Variants in STPG4 observed in about 807,000 individuals in gnomAD.
STPG4 encodes protein STPG4.
Under a neutral mutation model 31.5 loss-of-function variants are expected in STPG4, and 41 were observed. The ratio of observed to expected loss-of-function variants is 1.30; its 90% confidence interval spans 1.01 to 1.69. The LOEUF (loss-of-function observed/expected upper bound fraction) is 1.69. Ranked by LOEUF, STPG4 falls within the 40% of genes most tolerant of loss-of-function variation. The probability of loss-of-function intolerance (pLI) is 0.00; values close to 1 mark genes in which losing one functional copy is unlikely to be tolerated. For missense variants in STPG4, 375 were observed against 293.4 expected, an observed-to-expected ratio of 1.28 and a Z score of -2.03; for synonymous variants, 141 against 103.0, an observed-to-expected ratio of 1.37 and a Z score of -2.24.
At chr2:47,111,875 T>G (rs1686043936) in intron 5 of STPG4, among the ~76,000 whole-genome samples, 2 of 152,174 alleles carry the variant, frequency 1.3e-5, no homozygotes, top group Admixed American at 1.3e-4. Flanking sequence ...AGATTAAAAA[T>G]CATTTTCCAA....
intron 6 of STPG4, among the ~76,000 whole-genome samples, chr2:47,087,972 C>T (rs1028224986): frequency 2.0e-5 from 3 of 152,062 alleles, no homozygotes; most frequent in Non-Finnish European, 2.9e-5. Context: ...CCAGGTTGGT[C>T]TTGATCTCCT....
At chr2:47,138,020 A>G (rs1479592352) in intron 3 of STPG4, among the ~76,000 whole-genome samples, 3 of 151,906 alleles carry the variant, frequency 2.0e-5, no homozygotes, top group Non-Finnish European at 2.9e-5. Context: ...CTTACTTTGG[A>G]TTTAATTTAC....
At chr2:47,088,554 G>A (rs1292413280) in intron 6 of STPG4, among the ~76,000 whole-genome samples, 1 of 152,224 alleles carries the variant, frequency 6.6e-6, no homozygotes, top group Non-Finnish European at 1.5e-5. Flanking sequence ...AGGGGGCTAT[G>A]AGGCTCACTG....
chr2:47,088,548 G>A (rs1685505992), intron 6 of STPG4, among the ~76,000 whole-genome samples: 1 of 152,200 alleles, frequency 6.6e-6, no homozygotes, highest in Admixed American at 6.5e-5. Flanking sequence ...GCCTCTAGGG[G>A]GCTATGAGGC....
chr2:47,119,798 G>C (rs7583888), intron 5 of STPG4, among the ~76,000 whole-genome samples: 20,199 of 152,242 alleles, frequency 0.13, 1,508 homozygotes, highest in African/African-American at 0.17. Flanking sequence ...AGGAGGGCCA[G>C]ACAGCTAATG....
intron 3 of STPG4, among the ~76,000 whole-genome samples, chr2:47,141,096 A>G (rs976272175): frequency 6.9e-4 from 105 of 152,180 alleles, no homozygotes; most frequent in African/African-American, 2.5e-3. Flanking sequence ...CATATTGGCT[A>G]GGCTGGTCTC....
At chr2:47,111,082 G>A (rs370486628) in intron 5 of STPG4, among the ~76,000 whole-genome samples, 1 of 152,132 alleles carries the variant, frequency 6.6e-6, no homozygotes, top group Non-Finnish European at 1.5e-5. Context: ...GAATTTATGG[G>A]TGAAAAGGCA....
chr2:47,122,625 TA>T (rs1268307015), intron 5 of STPG4, among the ~76,000 whole-genome samples: 3 of 152,226 alleles, frequency 2.0e-5, no homozygotes, highest in Non-Finnish European at 4.4e-5. Flanking sequence ...CTTGTATTAA[TA>T]AAAAAATCTT....
At chr2:47,120,309 C>G (rs774973758) in intron 5 of STPG4, among the ~76,000 whole-genome samples, 1 of 152,010 alleles carries the variant, frequency 6.6e-6, no homozygotes, top group Non-Finnish European at 1.5e-5. Context: ...CCAACGTGGG[C>G]GACAGAGTGA....
At position 47,151,214 on chromosome 2, in the gene STPG4, T is replaced by A. The variant is rs748310420; in HGVS notation, c.399+44A>T. On this transcript the variant is annotated intron_variant, in intron 3 of 6. Coordinates refer to ENST00000445927, the MANE Select transcript of STPG4 (RefSeq NM_001163561.2). ...ATAAAAATACTTTCCTCAGGGGCTC[T>A]TAGTAGCTTTCCCACACAAAGCAAT... 5 of 1,607,148 alleles carry A rather than the reference T, an allele frequency of 3.1e-6. No homozygotes were observed. The South Asian group carries it at 5.5e-5, about 18-fold the overall frequency.
chr2:47,133,475 G>A (rs528000767), intron 3 of STPG4, among the ~76,000 whole-genome samples: 34 of 146,688 alleles, frequency 2.3e-4, no homozygotes, highest in Non-Finnish European at 3.6e-4. Flanking sequence ...CCAGTTCTTC[G>A]TTTTTAAGGC....
intron 3 of STPG4, among the ~76,000 whole-genome samples, chr2:47,135,188 G>C (rs1254794554): frequency 6.6e-6 from 1 of 152,076 alleles, no homozygotes; most frequent in Admixed American, 6.6e-5. Flanking sequence ...GAAAATTTTA[G>C]TTCCAAAGAA....
intron 3 of STPG4, among the ~76,000 whole-genome samples, chr2:47,144,089 G>A (rs1019918803): frequency 1.3e-5 from 2 of 152,122 alleles, no homozygotes; most frequent in African/African-American, 4.8e-5. Flanking sequence ...AGGTTGTCCT[G>A]AAGTTACCCT....
chr2:47,138,559 TTTG>T lies in STPG4; in HGVS notation c.400-8302_400-8300del, dbSNP rs1686643835. On this transcript the variant is annotated intron_variant, in intron 3 of 6. Coordinates refer to ENST00000445927, the MANE Select transcript of STPG4 (RefSeq NM_001163561.2). ...GGCACCCGCCACCATGCCTGGTTAA[TTTG>T]TTTTTTTAGATGGAGTCTTGCTCTG... Among the ~76,000 whole-genome samples the T allele has an allele frequency of 3.9e-5, 6 of 152,026 alleles. No individual in the cohort carries two copies. The South Asian group carries it at 1.2e-3, about 32-fold the overall frequency.
intron 5 of STPG4, among the ~76,000 whole-genome samples, chr2:47,095,604 G>A (rs1685654672): frequency 6.6e-6 from 1 of 152,200 alleles, no homozygotes; most frequent in Non-Finnish European, 1.5e-5. Flanking sequence ...ATACATCAGT[G>A]TTCAGCTCAT....
intron 6 of STPG4, among the ~76,000 whole-genome samples, chr2:47,089,398 G>T (rs920426300): frequency 6.6e-6 from 1 of 152,208 alleles, no homozygotes; most frequent in Non-Finnish European, 1.5e-5. Flanking sequence ...CTGGGATATA[G>T]GCTAAGGAGG....
rs960979716 is a variant in STPG4, at chr2:47,090,441, C to T, written c.520-67G>A. The stretch of plus-strand genomic sequence containing the variant: ...TTGATATATTTTAAGGCTTTATTTG[C>T]CTTCTACAAATAAACATATGAATCA... On this transcript the variant is annotated intron_variant, in intron 5 of 6. Transcript: ENST00000445927. 3 of 1,024,888 alleles carry T rather than the reference C, an allele frequency of 2.9e-6. No individual in the cohort carries two copies. The Admixed American group carries it at 6.5e-5, about 22-fold the overall frequency. 63.5% of individuals were successfully genotyped at this position (1,024,888 alleles called of 1,614,324 possible).
At chr2:47,126,998 G>C (rs112490246) in intron 5 of STPG4, among the ~76,000 whole-genome samples, 1 of 151,820 alleles carries the variant, frequency 6.6e-6, no homozygotes, top group African/African-American at 2.4e-5. Flanking sequence ...GGTCTTATTT[G>C]GGTTAAATAT....
At chr2:47,132,031 G>C (rs1686495513) in intron 3 of STPG4, among the ~76,000 whole-genome samples, 1 of 152,104 alleles carries the variant, frequency 6.6e-6, no homozygotes, top group Non-Finnish European at 1.5e-5. Flanking sequence ...CAGGCGTGGT[G>C]GTGGGCACCT....
Sources: allele counts gnomAD v4.1 joint callset (sites outside exome capture counted in the v4.1 genomes callset), GRCh38; gene constraint gnomAD v4.1.1; transcripts MANE v1.5; gene names NCBI Gene and HGNC (gene_info 2026-07-23, HGNC 2026-07-21).